Variants in TYW1 observed in about 807,000 individuals in gnomAD.
TYW1 encodes S-adenosyl-L-methionine-dependent tRNA 4-demethylwyosine synthase TYW1.
Under a neutral mutation model 96.2 loss-of-function variants are expected in TYW1, and 46 were observed. That is an observed-to-expected ratio of 0.48 (90% CI 0.38 to 0.61). The LOEUF is 0.61. TYW1 is among the 20% of genes least tolerant of loss of function. The probability of loss-of-function intolerance (pLI) is 0.00; values close to 1 mark genes in which losing one functional copy is unlikely to be tolerated. For missense variants in TYW1, 684 were observed against 909.6 expected (o/e 0.75, Z 3.19); for synonymous variants, 274 against 323.0 (o/e 0.85, Z 1.63).
rs576819420 is a variant in TYW1 at position 67,174,982 on chromosome 7, T to C, written c.1699-8144T>C. Among the ~76,000 whole-genome samples, 10 of 151,950 alleles carry C rather than the reference T, an allele frequency of 6.6e-5. No individual in the cohort carries two copies. In the South Asian group the frequency reaches 1.9e-3, roughly 28 times the overall value. On this transcript the variant is annotated intron_variant, in intron 13 of 15. Transcript: ENST00000359626. ...AGATGAAATGATCTACATGGACTTATAATTGTTAAATAAATTGCTTTTTTA... is the reference window on the plus strand; with the variant it reads ...AGATGAAATGATCTACATGGACTTACAATTGTTAAATAAATTGCTTTTTTA...
intron 13 of TYW1, among the ~76,000 whole-genome samples, chr7:67,171,066 A>G (rs565481985): frequency 3.1e-4 from 47 of 151,932 alleles, no homozygotes; most frequent in African/African-American, 9.4e-4. Context: ...TGATTGTTCA[A>G]TCTCTTGACT....
chr7:67,028,453 A>G (rs941166317), intron 7 of TYW1, among the ~76,000 whole-genome samples: 1 of 152,210 alleles, frequency 6.6e-6, no homozygotes, highest in Non-Finnish European at 1.5e-5. Flanking sequence ...AACCTAGTAG[A>G]AAAAGTTGGC....
At chr7:67,025,168 A>G in intron 7 of TYW1, 146 bp downstream of exon 7, 6 of 1,379,398 alleles carry the variant, frequency 4.3e-6, no homozygotes, top group Non-Finnish European at 5.8e-6. Flanking sequence ...TTTTTTTGCC[A>G]TTTTTCATGA....
chr7:67,145,033 C>G, intron 13 of TYW1, among the ~76,000 whole-genome samples: 1 of 102,640 alleles, frequency 9.7e-6, no homozygotes, highest in Non-Finnish European at 2.1e-5. Context: ...CTTTCCCATC[C>G]TGAGCAGTTG....
At chr7:66,997,925 G>A (rs1793244654) in intron 1 of TYW1, 140 bp from the exon 2 acceptor site, 13 of 1,184,088 alleles carry the variant, frequency 1.1e-5, no homozygotes, top group Admixed American at 3.2e-5. Flanking sequence ...CATCGTGCCC[G>A]GCCAACAGTT....
intron 12 of TYW1, among the ~76,000 whole-genome samples, chr7:67,103,019 G>A (rs1797135767): frequency 6.6e-6 from 1 of 152,148 alleles, no homozygotes; most frequent in Non-Finnish European, 1.5e-5. Context: ...GGAATAAGCA[G>A]GCAAATTGTG....
chr7:67,215,276 C>T (rs1208913764), intron 15 of TYW1, among the ~76,000 whole-genome samples: 1 of 151,860 alleles, frequency 6.6e-6, no homozygotes, highest in Non-Finnish European at 1.5e-5. Flanking sequence ...TTAGCTCAAG[C>T]ACCCACCCCC....
chr7:67,023,821 T>A (rs1212791141), intron 6 of TYW1, among the ~76,000 whole-genome samples: 1 of 152,146 alleles, frequency 6.6e-6, no homozygotes, highest in Non-Finnish European at 1.5e-5. Flanking sequence ...TCTAACGTTT[T>A]ATTCTGCCTT....
intron 15 of TYW1, among the ~76,000 whole-genome samples, chr7:67,195,694 G>A (rs1400393256): frequency 6.6e-6 from 1 of 152,120 alleles, no homozygotes; most frequent in Non-Finnish European, 1.5e-5. Flanking sequence ...TGAGTTTCTA[G>A]CTGTCAGAAG....
At chr7:67,156,857 G>C (rs1391088577) in intron 13 of TYW1, among the ~76,000 whole-genome samples, 1 of 151,274 alleles carries the variant, frequency 6.6e-6, no homozygotes, top group Admixed American at 6.6e-5. Context: ...GTGGATTCCA[G>C]AAAGCCTCCT....
chr7:67,096,986 C>G (rs1480426143), intron 11 of TYW1, among the ~76,000 whole-genome samples: 3 of 151,880 alleles, frequency 2.0e-5, no homozygotes, highest in African/African-American at 7.3e-5. Context: ...AGGCCCCTCC[C>G]CAGAGACTGT....
At chr7:67,068,686 A>C (rs961651204) in intron 10 of TYW1, among the ~76,000 whole-genome samples, 9 of 152,072 alleles carry the variant, frequency 5.9e-5, no homozygotes, top group Non-Finnish European at 8.8e-5. Context: ...CCGTGGCTTC[A>C]TTTATCTGTA....
At chr7:67,234,348 T>TAAAA (rs57100190) in intron 15 of TYW1, among the ~76,000 whole-genome samples, 1 of 93,342 alleles carries the variant, frequency 1.1e-5, no homozygotes, top group African/African-American at 4.7e-5. Flanking sequence ...ACCTATCTCT[T>TAAAA]AAAAAAAAAA....
chr7:67,131,239 C>A (rs952627496), intron 13 of TYW1, among the ~76,000 whole-genome samples: 6 of 151,906 alleles, frequency 3.9e-5, no homozygotes, highest in African/African-American at 1.5e-4. Flanking sequence ...ATAACAGTGC[C>A]TACCTTATAG....
intron 13 of TYW1, among the ~76,000 whole-genome samples, chr7:67,118,892 A>AGG (rs1797680425): frequency 6.8e-6 from 1 of 147,832 alleles, no homozygotes; most frequent in Non-Finnish European, 1.5e-5. Flanking sequence ...AAAAAAAAAA[A>AGG]AAAAAAAAAA....
intron 11 of TYW1, among the ~76,000 whole-genome samples, chr7:67,091,309 C>T (rs1348871739): frequency 6.7e-6 from 1 of 150,016 alleles, no homozygotes; most frequent in Non-Finnish European, 1.5e-5. Flanking sequence ...TAAACTATCA[C>T]AAGGACAGAA....
At chr7:67,149,180 T>C (rs1798711622) in intron 13 of TYW1, among the ~76,000 whole-genome samples, 1 of 152,208 alleles carries the variant, frequency 6.6e-6, no homozygotes. Context: ...AACCTTTTTA[T>C]GAGAATCATC....
chr7:67,080,140 G>A (rs1425557427), intron 10 of TYW1, among the ~76,000 whole-genome samples: 1 of 152,138 alleles, frequency 6.6e-6, no homozygotes. Context: ...TTCTGTCTAG[G>A]TGATCTGTCC....
chr7:66,998,437 G>A (rs1793268513), intron 2 of TYW1, among the ~76,000 whole-genome samples: 1 of 152,142 alleles, frequency 6.6e-6, no homozygotes, highest in Admixed American at 6.5e-5. Flanking sequence ...GTAATGAAAA[G>A]TGAACCTTTT....
Sources: gnomAD v4.1 joint callset for allele counts (sites outside exome capture counted in the v4.1 genomes callset) on GRCh38, gnomAD v4.1.1 for gene constraint, MANE v1.5 for transcripts, NCBI Gene and HGNC (gene_info 2026-07-23, HGNC 2026-07-21) for gene names.